The following ZSWIM2 variants were observed in gnomAD, a reference collection of about 807,000 sequenced individuals.
The protein encoded by ZSWIM2 is zinc finger SWIM-type containing 2, also known as E3 ubiquitin-protein ligase ZSWIM2.
Under a neutral mutation model 48.4 loss-of-function variants are expected in ZSWIM2, and 38 were observed. The observed-to-expected ratio is 0.79, with a 90% CI of 0.61 to 1.03. The LOEUF (loss-of-function observed/expected upper bound fraction) is 1.03, where lower values mean the gene tolerates loss of function less well. Ranked by LOEUF, ZSWIM2 falls within the 50% of genes least tolerant of loss-of-function variation. The pLI is 0.00. For missense variants in ZSWIM2, 776 were observed against 730.2 expected, an observed-to-expected ratio of 1.06 and a Z score of -0.72; for synonymous variants, 240 against 251.3, an observed-to-expected ratio of 0.96 and a Z score of 0.42.
Position 186,828,600 on chromosome 2 carries a change from G to T in ZSWIM2, c.1286C>A (p.Thr429Asn), listed in dbSNP as rs749660709. ...QKEPDLFIPGTGLVLKQNRLG... is the reference protein window; with the variant it reads ...QKEPDLFIPGNGLVLKQNRLG... The stretch of plus-strand genomic sequence containing the variant: ...TCTATTTTGTTTTAAGACTAATCCA[G>T]TACCAGGAATAAAAAGATCTGGTTC... The change falls in exon 9 of 9, where the codon ACT (threonine) becomes AAT (asparagine). Residue 429 changes from threonine (T) to asparagine (N), a missense_variant. Thr to Asn is a moderately conservative substitution (Grantham distance 65). Transcript: ENST00000295131. 1 of 1,612,822 alleles carries T rather than the reference G, an allele frequency of 6.2e-7. No individual in the cohort carries two copies. The highest frequency in any genetic ancestry group is 8.5e-7 in the Non-Finnish European group (1 of 1,179,388).
intron 6 of ZSWIM2, among the ~76,000 whole-genome samples, chr2:186,833,462 G>A (rs1691740201): frequency 6.6e-6 from 1 of 152,054 alleles, no homozygotes; most frequent in Non-Finnish European, 1.5e-5. Context: ...AATTGTGTAT[G>A]TTTTATTTTA....
chr2:186,838,974 G>C lies in ZSWIM2; in HGVS notation c.479C>G (p.Pro160Arg). 6.2e-7 allele frequency: 1 copy of C among 1,607,516 alleles called. No homozygotes were observed. The highest frequency in any genetic ancestry group is 8.5e-7 in the Non-Finnish European group (1 of 1,176,166). The part of the protein sequence containing the change: ...CQELLLEKKL[P>R]VTFCRFGCGN... ...AGTACATCACCTGCAAAAGGTGACA[G>C]GAAGCTTTTTCTCTAAAAGTAGCTC... The change falls in exon 4 of 9, where the codon CCT becomes CGT. Residue 160 changes from proline (P) to arginine (R), a missense_variant. Physicochemically the swap from Pro to Arg is moderately radical, Grantham distance 103. Coordinates refer to ENST00000295131, the MANE Select transcript of ZSWIM2 (RefSeq NM_182521.3).
At chr2:186,843,047 C>A (rs962828802) in intron 3 of ZSWIM2, among the ~76,000 whole-genome samples, 2 of 151,456 alleles carry the variant, frequency 1.3e-5, no homozygotes, top group Non-Finnish European at 3.0e-5. Flanking sequence ...CACGTTGACA[C>A]AATAATATTT....
intron 3 of ZSWIM2, among the ~76,000 whole-genome samples, chr2:186,843,313 T>A (rs1038151816): frequency 6.6e-6 from 1 of 151,516 alleles, no homozygotes; most frequent in African/African-American, 2.4e-5. Context: ...TACAACCTAG[T>A]CATCACGCAT....
chr2:186,830,212 T>G (rs984383509), intron 7 of ZSWIM2, among the ~76,000 whole-genome samples: 2 of 152,030 alleles, frequency 1.3e-5, no homozygotes, highest in African/African-American at 4.8e-5. Flanking sequence ...AAACCCCATC[T>G]CTAATAAAAA....
At chr2:186,840,748 A>T (rs1299817613) in intron 3 of ZSWIM2, among the ~76,000 whole-genome samples, 2 of 151,528 alleles carry the variant, frequency 1.3e-5, no homozygotes, top group Non-Finnish European at 3.0e-5. Context: ...AAGAAAGACA[A>T]TTTTTAAAGG....
At chr2:186,848,200 T>C (rs1160429950) in intron 1 of ZSWIM2, among the ~76,000 whole-genome samples, 1 of 152,202 alleles carries the variant, frequency 6.6e-6, no homozygotes. Context: ...TTAATTTTAT[T>C]CAAGAGGACA....
At position 186,828,223 on chromosome 2, in the gene ZSWIM2, G is replaced by A; in HGVS notation, c.1663C>T (p.Leu555=). 1 of 1,613,468 alleles carries A rather than the reference G, an allele frequency of 6.2e-7. No homozygotes were observed. ...TKGCKCNNHN[L]KKTPATKIRE... ...ATTTTAGTGGCAGGAGTCTTCTTTAGGTTGTGGTTATTACATTTACAGCCT... is the reference window on the plus strand; with the variant it reads ...ATTTTAGTGGCAGGAGTCTTCTTTAAGTTGTGGTTATTACATTTACAGCCT... Residue 555 remains leucine, a synonymous_variant, in exon 9 of 9, where the codon CTA becomes TTA. Coordinates refer to ENST00000295131, the MANE Select transcript of ZSWIM2 (RefSeq NM_182521.3).
At chr2:186,848,774 T>G in intron 1 of ZSWIM2, 192 bp downstream of exon 1, 1 of 666,394 alleles carries the variant, frequency 1.5e-6, no homozygotes, top group East Asian at 2.9e-5. Flanking sequence ...AAGAAACTTC[T>G]AATAAATACT....
chr2:186,828,928 T>C lies in ZSWIM2; in HGVS notation c.1096-138A>G, dbSNP rs1344568983. 5.3e-6 allele frequency: 3 copies of C among 568,358 alleles called. No homozygotes were observed. The African/African-American group carries it at 5.7e-5, about 11-fold the overall frequency. 35.2% of individuals were successfully genotyped at this position (568,358 alleles called of 1,614,324 possible). Reference sequence around the variant, plus strand: ...AAAAATAATTATTTATCAAGTTTTATGAAAATATTTTGAAGAAGTTAACTT... The same window carrying C: ...AAAAATAATTATTTATCAAGTTTTACGAAAATATTTTGAAGAAGTTAACTT... On this transcript the variant is annotated intron_variant, in intron 8 of 8. Coordinates refer to ENST00000295131, the MANE Select transcript of ZSWIM2 (RefSeq NM_182521.3).
chr2:186,843,071 T>G (rs986459505), intron 3 of ZSWIM2, among the ~76,000 whole-genome samples: 1 of 151,686 alleles, frequency 6.6e-6, no homozygotes. Flanking sequence ...TGTACTGGCT[T>G]AAGTTAAAAT....
intron 4 of ZSWIM2, among the ~76,000 whole-genome samples, chr2:186,838,020 A>G (rs1230260559): frequency 6.6e-6 from 1 of 151,806 alleles, no homozygotes; most frequent in Non-Finnish European, 1.5e-5. Flanking sequence ...AAAGTAGTTA[A>G]TAATTTTACA....
chr2:186,827,647 C>T lies in ZSWIM2; in HGVS notation c.*337G>A, dbSNP rs189534778. Reference sequence around the variant, plus strand: ...GTAATCCCTGCATGTTATGTGCTACCGTGAAAAATATTTGAAAACAGTGAC... The same window carrying T: ...GTAATCCCTGCATGTTATGTGCTACTGTGAAAAATATTTGAAAACAGTGAC... On this transcript the variant is annotated 3_prime_UTR_variant, in exon 9 of 9. Coordinates refer to ENST00000295131, the MANE Select transcript of ZSWIM2 (RefSeq NM_182521.3). 5.5e-4 allele frequency among the ~76,000 whole-genome samples: 83 copies of T among 151,474 alleles called. No homozygotes were observed. The East Asian group carries it at 0.011, about 20-fold the overall frequency.
chr2:186,834,932 C>T (rs1691767574), intron 5 of ZSWIM2, among the ~76,000 whole-genome samples: 1 of 152,074 alleles, frequency 6.6e-6, no homozygotes, highest in South Asian at 2.1e-4. Flanking sequence ...CATACAAGTT[C>T]TGGGCGTAAG....
At chr2:186,831,931 G>A (rs915950321) in intron 7 of ZSWIM2, among the ~76,000 whole-genome samples, 4 of 151,894 alleles carry the variant, frequency 2.6e-5, no homozygotes, top group South Asian at 2.1e-4. Context: ...GCTAAATGAC[G>A]AGTTAATGGG....
chr2:186,836,817 T>C (rs886930470), intron 5 of ZSWIM2, among the ~76,000 whole-genome samples: 5 of 152,192 alleles, frequency 3.3e-5, no homozygotes, highest in South Asian at 2.1e-4. Context: ...GTATAAGATA[T>C]GAAATAAAAC....
At chr2:186,846,802 C>CATATAT (rs1410029791) in intron 2 of ZSWIM2, among the ~76,000 whole-genome samples, 1 of 41,204 alleles carries the variant, frequency 2.4e-5, no homozygotes, top group African/African-American at 1.2e-4. Context: ...TATATACACA[C>CATATAT]ACACACACAT....
At chr2:186,839,227 TAAC>T (rs1691860249) in intron 3 of ZSWIM2, 58 bp from the exon 4 acceptor site, 1 of 1,473,336 alleles carries the variant, frequency 6.8e-7, no homozygotes, top group Non-Finnish European at 9.4e-7. Flanking sequence ...TACAGAGAGG[TAAC>T]AACTTATGCT....
intron 2 of ZSWIM2, among the ~76,000 whole-genome samples, chr2:186,845,024 C>T (rs568197309): frequency 5.9e-5 from 9 of 151,490 alleles, no homozygotes; most frequent in African/African-American, 1.9e-4. Flanking sequence ...GTATTTCTTA[C>T]GACATACAGT....
Sources: allele counts gnomAD v4.1 joint callset (sites outside exome capture counted in the v4.1 genomes callset), GRCh38; gene constraint gnomAD v4.1.1; transcripts MANE v1.5; gene names NCBI Gene and HGNC (gene_info 2026-07-23, HGNC 2026-07-21).